Variants in MCM3 observed in about 807,000 individuals in gnomAD.
MCM3 encodes the protein DNA replication licensing factor MCM3.
Under a neutral mutation model 91.3 loss-of-function variants are expected in MCM3, and 59 were observed. That is an observed-to-expected ratio of 0.65 (90% CI 0.52 to 0.80). MCM3 has a LOEUF of 0.80. MCM3 is among the 30% of genes least tolerant of loss of function. The pLI is 0.00. For synonymous variants in MCM3, 383 were observed against 379.6 expected, an observed-to-expected ratio of 1.01 and a Z score of -0.10; for missense variants, 919 against 1,035.4, an observed-to-expected ratio of 0.89 and a Z score of 1.54.
Position 52,284,586 on chromosome 6 carries a change from G to A in MCM3, c.78+11C>T, listed in dbSNP as rs776368503. On this transcript the variant is annotated intron_variant, in intron 1 of 16. Transcript: ENST00000596288. ...CGAGCGCTAGAGCCCGCGCGCCGGC[G>A]CCTCCCTCACCTCGTCGTCCAGGAA... The A allele has an allele frequency of 2.4e-5, 39 of 1,599,630 alleles. No individual in the cohort carries two copies. Among genetic ancestry groups the A allele is most frequent in the Non-Finnish European group, 3.1e-5 (36 of 1,175,848 alleles).
intron 10 of MCM3, 86 bp from the exon 11 acceptor site, chr6:52,273,442 A>G (rs1765299620): frequency 7.3e-7 from 1 of 1,369,698 alleles, no homozygotes; most frequent in South Asian, 1.3e-5. Flanking sequence ...AGAAGGGGAG[A>G]CACCAAGATT....
chr6:52,272,354 C>T lies in MCM3; in HGVS notation c.1774G>A (p.Glu592Lys), dbSNP rs759267978. 6.2e-6 allele frequency: 10 copies of T among 1,614,090 alleles called. No homozygotes were observed. In the East Asian group the frequency reaches 2.2e-4, roughly 36 times the overall value. Residue 592 changes from glutamate to lysine, a missense_variant, in exon 12 of 17, where the codon GAA becomes AAA. Physicochemically the swap from Glu to Lys is moderately conservative, Grantham distance 56 (BLOSUM62 1). Coordinates refer to ENST00000596288, the MANE Select transcript of MCM3 (RefSeq NM_002388.6). ...LTQESATYIA[E>K]EYSRLRSQDS... ...TGGCTGCGCAGGCGTGAATACTCTT[C>T]TGCAATGTAGGTGGCCGACTCCTGT...
chr6:52,283,205 C>T (rs1266663352), intron 2 of MCM3, 89 bp downstream of exon 2: 1 of 1,040,866 alleles, frequency 9.6e-7, no homozygotes, highest in Non-Finnish European at 1.5e-6. Flanking sequence ...CTGTTTCATA[C>T]AAGTCCTCTC....
intron 16 of MCM3, 94 bp downstream of exon 16, chr6:52,265,981 A>G (rs1403918230): frequency 2.0e-6 from 2 of 993,222 alleles, no homozygotes; most frequent in African/African-American, 1.6e-5. Flanking sequence ...ATTGATGACC[A>G]GCAGTTTGTT....
intron 12 of MCM3, among the ~76,000 whole-genome samples, chr6:52,269,499 A>G (rs1764918426): frequency 6.7e-6 from 1 of 150,238 alleles, no homozygotes; most frequent in Non-Finnish European, 1.5e-5. Flanking sequence ...GCTACAGCGT[A>G]GAAAAGAGAA....
intron 9 of MCM3, among the ~76,000 whole-genome samples, chr6:52,275,647 G>A (rs1489440659): frequency 6.6e-6 from 1 of 152,138 alleles, no homozygotes; most frequent in Non-Finnish European, 1.5e-5. Context: ...ATTCAAAATA[G>A]GGAGGAAAAA....
In MCM3 at chr6:52,276,403, T is replaced by C. The variant is rs1269723689; in HGVS notation, c.1239A>G (p.Lys413=). 6.2e-7 allele frequency: 1 copy of C among 1,614,142 alleles called. No homozygotes were observed. The highest frequency in any genetic ancestry group is 1.1e-5 in the South Asian group (1 of 91,062). The change falls in exon 9 of 17, where the codon AAA becomes AAG. Residue 413 remains lysine, a synonymous_variant. Coordinates refer to ENST00000596288, the MANE Select transcript of MCM3 (RefSeq NM_002388.6). ...TGGCTGTGCGATCCATGTCAGACAT[T>C]TTGTCAAATTCATCAATGCAAACCA... ...RGVVCIDEFD[K]MSDMDRTAIH...
chr6:52,273,185 C>T (rs1453410887), intron 11 of MCM3, 45 bp downstream of exon 11: 1 of 1,612,492 alleles, frequency 6.2e-7, no homozygotes, highest in Non-Finnish European at 8.5e-7. Flanking sequence ...TCTAATATAA[C>T]ACATATTTCA....
intron 12 of MCM3, among the ~76,000 whole-genome samples, chr6:52,271,165 A>G (rs372449477): frequency 5.1e-4 from 78 of 152,062 alleles, no homozygotes; most frequent in African/African-American, 1.8e-3. Flanking sequence ...GTAACACAGC[A>G]AGACCGCATC....
chr6:52,266,223 T>C, intron 15 of MCM3, 79 bp from the exon 16 acceptor site: 1 of 1,056,930 alleles, frequency 9.5e-7, no homozygotes, highest in Non-Finnish European at 1.5e-6. Flanking sequence ...AGAAATCATC[T>C]CCACTCCCAA....
rs189892273 is a variant in MCM3, at chr6:52,264,888, G to A, written c.2229-102C>T. On this transcript the variant is annotated intron_variant, in intron 16 of 16. Transcript: ENST00000596288. ...TCCATAGTATTAATACAGTAGAGGC[G>A]TCCCCTCAATATTCTTTCTCACACA... The A allele has an allele frequency of 1.9e-4, 178 of 945,788 alleles. No individual in the cohort carries two copies. In the Admixed American group the frequency reaches 2.6e-3, roughly 14 times the overall value. The allele number at this position is 945,788 out of a possible 1,614,324, so 58.6% of individuals were successfully genotyped here.
Position 52,279,518 on chromosome 6 carries a change from G to A in MCM3, c.613C>T (p.Pro205Ser). ...DHQTITIQEM[P>S]EKAPAGQLPR... is the part of the protein sequence containing the mutation. The stretch of plus-strand genomic sequence containing the variant: ...AGCTGGCCGGCTGGGGCCTTCTCCG[G>A]CATCTCCTGGATGGTGATGGTCTGG... The change falls in exon 5 of 17, where the codon CCG becomes TCG. Residue 205 changes from proline to serine, a missense_variant. Transcript: ENST00000596288. 4 of 1,614,088 alleles carry A rather than the reference G, an allele frequency of 2.5e-6. No individual in the cohort carries two copies. Among genetic ancestry groups the A allele is most frequent in the Non-Finnish European group, 3.4e-6 (4 of 1,180,028 alleles).
chr6:52,267,375 C>T (rs1477916933), intron 14 of MCM3, among the ~76,000 whole-genome samples: 1 of 151,912 alleles, frequency 6.6e-6, no homozygotes, highest in Non-Finnish European at 1.5e-5. Flanking sequence ...GGATTACAGG[C>T]GTGAGCCACC....
intron 14 of MCM3, among the ~76,000 whole-genome samples, chr6:52,267,143 G>A (rs950442038): frequency 4.4e-5 from 6 of 134,962 alleles, no homozygotes; most frequent in Non-Finnish European, 9.2e-5. Flanking sequence ...CTGTCACCCA[G>A]GCTGGAGTGC....
intron 9 of MCM3, 96 bp downstream of exon 9, chr6:52,276,172 T>C (rs528244103): frequency 9.6e-6 from 11 of 1,146,938 alleles, no homozygotes; most frequent in Non-Finnish European, 1.4e-5. Flanking sequence ...TTTGGCCTAT[T>C]ATTCCCCTGG....
rs370213392 is a variant in MCM3 at position 52,273,285 on chromosome 6, C to T, written c.1621G>A (p.Asp541Asn). The change falls in exon 11 of 17, where the codon GAC becomes AAC. Residue 541 changes from aspartate (D) to asparagine (N), a missense_variant. Physicochemically the swap from Asp to Asn is conservative, Grantham distance 23. Coordinates refer to ENST00000596288, the MANE Select transcript of MCM3 (RefSeq NM_002388.6). ...DPNFSQEDQQ[D>N]TQIYEKHDNL... is the part of the protein sequence containing the mutation. ...TCATGCTTCTCATAAATCTGGGTGT[C>T]CTGCTGATCTTCCTGGCTAAAGTTG... 3 of 1,614,078 alleles carry T rather than the reference C, an allele frequency of 1.9e-6. No individual in the cohort carries two copies. In the African/African-American group the frequency reaches 4.0e-5, roughly 22 times the overall value.
In MCM3 at chr6:52,282,790, T is replaced by A. The variant is rs1488506317; in HGVS notation, c.263A>T (p.Asp88Val). 1.9e-6 allele frequency: 3 copies of A among 1,613,892 alleles called. No homozygotes were observed. Among genetic ancestry groups the A allele is most frequent in the Non-Finnish European group, 2.5e-6 (3 of 1,180,010 alleles). The stretch of plus-strand genomic sequence containing the variant: ...CTCATACTGCTTGGCATAGGTAGCA[T>A]CAATGGAGGCCACAAAATCCTTTAA... ...RALKDFVASIDATYAKQYEEF... is the reference protein window; with the variant it reads ...RALKDFVASIVATYAKQYEEF... Residue 88 changes from aspartate (D) to valine (V), a missense_variant, in exon 3 of 17, where the codon GAT (aspartate) becomes GTT (valine). Physicochemically the swap from Asp to Val is radical, Grantham distance 152 (BLOSUM62 -3). Transcript: ENST00000596288.
rs1322225156 is a variant in MCM3, at chr6:52,272,322, G to A, written c.1806C>T (p.Ser602=). The change falls in exon 12 of 17, where the codon AGC becomes AGT. Residue 602 remains serine, a synonymous_variant. Transcript: ENST00000596288. ...EEYSRLRSQD[S]MSSDTARTSP... ...TCACCCTGGCGGTGTCTGAGCTCAT[G>A]CTATCCTGGCTGCGCAGGCGTGAAT... 3.1e-6 allele frequency: 5 copies of A among 1,614,066 alleles called. No individual in the cohort carries two copies. The highest frequency in any genetic ancestry group is 2.5e-6 in the Non-Finnish European group (3 of 1,180,036).
chr6:52,268,284 T>G (rs995570795), intron 13 of MCM3, among the ~76,000 whole-genome samples: 1 of 152,214 alleles, frequency 6.6e-6, no homozygotes, highest in African/African-American at 2.4e-5. Flanking sequence ...AAATCAGGTG[T>G]CTAATTGAAA....
Sources: allele counts gnomAD v4.1 joint callset (sites outside exome capture counted in the v4.1 genomes callset), GRCh38; gene constraint gnomAD v4.1.1; transcripts MANE v1.5; gene names NCBI Gene and HGNC (gene_info 2026-07-23, HGNC 2026-07-21).